PCDHGA12: variants seen among roughly 807,000 people sequenced by gnomAD.
PCDHGA12 encodes protocadherin gamma-A12.
In PCDHGA12, 43 loss-of-function variants were observed where a neutral mutation model predicts 61.1. That is an observed-to-expected ratio of 0.70 (90% CI 0.55 to 0.91). The LOEUF (loss-of-function observed/expected upper bound fraction) is 0.91. Ranked by LOEUF, PCDHGA12 falls within the 40% of genes least tolerant of loss-of-function variation. The pLI is 0.00. For synonymous variants in PCDHGA12, 520 were observed against 542.9 expected (o/e 0.96, Z 0.59); for missense variants, 1,236 against 1,227.7 (o/e 1.01, Z -0.10).
chr5:141,462,782 T>C (rs1397671639), intron 1 of PCDHGA12, among the ~76,000 whole-genome samples: 1 of 152,220 alleles, frequency 6.6e-6, no homozygotes, highest in Non-Finnish European at 1.5e-5. Flanking sequence ...TCATAATTTG[T>C]TGCTTATTTG....
In PCDHGA12 at chr5:141,432,085, G is replaced by A. The variant is rs144065251; in HGVS notation, c.1326G>A (p.Val442=). 2.2e-4 allele frequency: 353 copies of A among 1,614,164 alleles called. 1 individual carries two copies. The African/African-American group carries it at 4.2e-3, about 19-fold the overall frequency. ...LSTETHISLN[V]ADTNDNPPVF... ...CGGAAACTCATATCTCGCTGAACGT[G>A]GCAGACACCAACGACAACCCGCCGG... The change falls in exon 1 of 4, where the codon GTG becomes GTA. Residue 442 remains valine (V), a synonymous_variant. Transcript: ENST00000252085. This position sits in a 1 kb window ranked among gnomAD's most constrained non-coding sequence, Gnocchi z 6.0.
rs779651957 is a variant in PCDHGA12, at chr5:141,431,167, T to G, written c.408T>G (p.Ser136Arg). 2 of 1,614,118 alleles carry G rather than the reference T, an allele frequency of 1.2e-6. No individual in the cohort carries two copies. Among genetic ancestry groups the G allele is most frequent in the Non-Finnish European group, 1.7e-6 (2 of 1,180,014 alleles). The stretch of plus-strand genomic sequence containing the variant: ...ACAATGCGCCTTACTTTCGTGAAAG[T>G]GAATTAGAAATAAAAATTAGTGAAA... ...INDNAPYFRE[S>R]ELEIKISENA... is the part of the protein sequence containing the mutation. The change falls in exon 1 of 4, where the codon AGT becomes AGG. Residue 136 changes from serine to arginine, a missense_variant. Transcript: ENST00000252085. The surrounding 1 kb of genome is among the most constrained non-coding windows in gnomAD (Gnocchi z 4.8).
In PCDHGA12 at chr5:141,487,260, C is replaced by T; in HGVS notation, c.2425-7547C>T. 6.2e-7 allele frequency: 1 copy of T among 1,614,116 alleles called. No homozygotes were observed. The highest frequency in any genetic ancestry group is 1.1e-5 in the South Asian group (1 of 91,080). On this transcript the variant is annotated intron_variant, in intron 1 of 3. Coordinates refer to ENST00000252085, the MANE Select transcript of PCDHGA12 (RefSeq NM_003735.3). The surrounding 1 kb of genome is among the most constrained non-coding windows in gnomAD (Gnocchi z 5.0). ...CGTCTAACCCTCTACTTGGCTGTGT[C>T]CCTAGTGGCAATTTGCTTTGTCTCC...
At chr5:141,494,326 G>C (rs2154591458) in intron 1 of PCDHGA12, among the ~76,000 whole-genome samples, 1 of 152,312 alleles carries the variant, frequency 6.6e-6, no homozygotes, top group Middle Eastern at 3.4e-3. Context: ...GGCACCAAAA[G>C]GGTTACCAAG....
chr5:141,465,210 AT>A (rs1374516492), intron 1 of PCDHGA12, among the ~76,000 whole-genome samples: 4 of 152,032 alleles, frequency 2.6e-5, no homozygotes, highest in African/African-American at 9.7e-5. Flanking sequence ...TATAAGCTTT[AT>A]TTTTCAACAT....
rs1030000451 is a variant in PCDHGA12, at chr5:141,432,417, T to G, written c.1658T>G (p.Leu553Arg). 2.5e-6 allele frequency: 4 copies of G among 1,614,124 alleles called. No individual in the cohort carries two copies. In the African/African-American group the frequency reaches 5.3e-5, roughly 22 times the overall value. The change falls in exon 1 of 4, where the codon CTG (leucine) becomes CGG (arginine). Residue 553 changes from leucine (L) to arginine (R), a missense_variant. Coordinates refer to ENST00000252085, the MANE Select transcript of PCDHGA12 (RefSeq NM_003735.3). This position sits in a 1 kb window ranked among gnomAD's most constrained non-coding sequence, Gnocchi z 6.0. The stretch of plus-strand genomic sequence containing the variant: ...AACGTGTCGTTGAGCCTGTTCGTGC[T>G]GGACCAGAACGACAATGCGCCCGAG... ...SSNVSLSLFV[L>R]DQNDNAPEIL...
chr5:141,449,588 CAA>C (rs768743917), intron 1 of PCDHGA12, among the ~76,000 whole-genome samples: 5 of 57,502 alleles, frequency 8.7e-5, no homozygotes, highest in Admixed American at 1.8e-4. Flanking sequence ...GACTCTGTCT[CAA>C]AAAAAAAAAA....
chr5:141,510,840 A>C (rs2099882997), intron 3 of PCDHGA12, 107 bp from the exon 4 acceptor site: 1 of 1,588,450 alleles, frequency 6.3e-7, no homozygotes, highest in Non-Finnish European at 8.6e-7. Context: ...CAGCGTGGTC[A>C]AGGCCCAGGG....
At chr5:141,454,964 C>T (rs1283179107) in intron 1 of PCDHGA12, among the ~76,000 whole-genome samples, 10 of 151,622 alleles carry the variant, frequency 6.6e-5, no homozygotes, top group African/African-American at 2.4e-4. Flanking sequence ...CCGGCCACCA[C>T]GCCTGGCTAA....
chr5:141,500,309 C>T (rs777434466), intron 2 of PCDHGA12, among the ~76,000 whole-genome samples: 2 of 151,602 alleles, frequency 1.3e-5, no homozygotes, highest in Non-Finnish European at 2.9e-5. Flanking sequence ...CCCAGGTTCA[C>T]GCCATGCTCC....
intron 3 of PCDHGA12, 89 bp from the exon 4 acceptor site, chr5:141,510,858 T>G: frequency 6.2e-7 from 1 of 1,606,182 alleles, no homozygotes; most frequent in Non-Finnish European, 8.5e-7. Context: ...GGGTGCTGTA[T>G]AGGCATTCAT....
chr5:141,475,708 C>G (rs2099367415), intron 1 of PCDHGA12, among the ~76,000 whole-genome samples: 1 of 152,238 alleles, frequency 6.6e-6, no homozygotes, highest in African/African-American at 2.4e-5. Flanking sequence ...AACGGCTAGC[C>G]TCACAGCCCC....
intron 2 of PCDHGA12, among the ~76,000 whole-genome samples, chr5:141,501,771 G>A (rs957546749): frequency 7.2e-5 from 11 of 152,118 alleles, no homozygotes; most frequent in African/African-American, 2.7e-4. Context: ...GGTTAAAAAA[G>A]AGGTCTCTCT....
At chr5:141,437,459 C>T (rs749625924) in intron 1 of PCDHGA12, among the ~76,000 whole-genome samples, 1 of 152,140 alleles carries the variant, frequency 6.6e-6, no homozygotes, top group Admixed American at 6.5e-5. Context: ...GGAGACTATA[C>T]TATACTTTTA....
At chr5:141,442,452 CA>C (rs2098325918) in intron 1 of PCDHGA12, 1 of 152,226 alleles carries the variant, frequency 6.6e-6, no homozygotes, top group Admixed American at 6.5e-5. Flanking sequence ...GACTCAATAG[CA>C]GTTTCACTGC....
At chr5:141,456,984 C>T (rs374156327) in intron 1 of PCDHGA12, among the ~76,000 whole-genome samples, 1 of 152,082 alleles carries the variant, frequency 6.6e-6, no homozygotes, top group Admixed American at 6.6e-5. Flanking sequence ...AACAAACAAA[C>T]AAACAAAAAC....
In PCDHGA12 at chr5:141,477,629, C is replaced by A. The variant is rs1191573380; in HGVS notation, c.2425-17178C>A. The A allele has an allele frequency of 6.2e-7, 1 of 1,614,040 alleles. No individual in the cohort carries two copies. The highest frequency in any genetic ancestry group is 8.5e-7 in the Non-Finnish European group (1 of 1,180,040). ...CTTGGAGCAAGGAGCTGAAACCGGGCTAGTGGGTCGCTATTTCACAATAAA... is the reference window on the plus strand; with the variant it reads ...CTTGGAGCAAGGAGCTGAAACCGGGATAGTGGGTCGCTATTTCACAATAAA... On this transcript the variant is annotated intron_variant, in intron 1 of 3. Coordinates refer to ENST00000252085, the MANE Select transcript of PCDHGA12 (RefSeq NM_003735.3). The surrounding 1 kb of genome is among the most constrained non-coding windows in gnomAD (Gnocchi z 4.9).
At chr5:141,455,506 G>T (rs1307993951) in intron 1 of PCDHGA12, among the ~76,000 whole-genome samples, 1 of 152,152 alleles carries the variant, frequency 6.6e-6, no homozygotes, top group African/African-American at 2.4e-5. Flanking sequence ...ATTTGCATAG[G>T]GCTCAGGGGA....
Position 141,464,802 on chromosome 5 carries a change from A to G in PCDHGA12, c.2425-30005A>G, listed in dbSNP as rs545738780. ...TGCCCAGGCCAAATTGCAGTGATGC[A>G]GTCATAGCTCACTGTAGCCTCGCAC... On this transcript the variant is annotated intron_variant, in intron 1 of 3. Transcript: ENST00000252085. Among the ~76,000 whole-genome samples, 25 of 152,032 alleles carry G rather than the reference A, an allele frequency of 1.6e-4. No homozygotes were observed. In the East Asian group the frequency reaches 4.8e-3, roughly 29 times the overall value.
Sources: gnomAD v4.1 joint callset for allele counts (sites outside exome capture counted in the v4.1 genomes callset) on GRCh38, gnomAD v4.1.1 for gene constraint, Gnocchi (gnomAD v3.1) non-coding constraint, MANE v1.5 for transcripts, NCBI Gene and HGNC (gene_info 2026-07-23, HGNC 2026-07-21) for gene names.